CAMKMT: variants seen among roughly 807,000 people sequenced by gnomAD.
CAMKMT encodes the protein calmodulin-lysine N-methyltransferase.
In CAMKMT, 53 loss-of-function variants were observed where a neutral mutation model predicts 48.0. That is an observed-to-expected ratio of 1.10 (90% CI 0.89 to 1.39). The LOEUF is 1.39. Ranked by LOEUF, CAMKMT falls within the 40% of genes most tolerant of loss-of-function variation. The pLI, the probability that CAMKMT is intolerant of heterozygous loss-of-function variation, is 0.00. For synonymous variants in CAMKMT, 165 were observed against 152.3 expected, an observed-to-expected ratio of 1.08 and a Z score of -0.61; for missense variants, 428 against 402.7, an observed-to-expected ratio of 1.06 and a Z score of -0.54.
chr2:44,606,854 T>C (rs1050075658), intron 3 of CAMKMT, among the ~76,000 whole-genome samples: 2 of 148,464 alleles, frequency 1.3e-5, no homozygotes, highest in Non-Finnish European at 3.0e-5. Flanking sequence ...TTATCTATAG[T>C]TTATCATTAA....
intron 3 of CAMKMT, among the ~76,000 whole-genome samples, chr2:44,488,728 A>C (rs1669332693): frequency 6.6e-6 from 1 of 151,942 alleles, no homozygotes; most frequent in South Asian, 2.1e-4. Flanking sequence ...AACTCACCCC[A>C]AAAAACCCAA....
intron 3 of CAMKMT, among the ~76,000 whole-genome samples, chr2:44,501,222 G>A (rs1465314729): frequency 6.6e-6 from 1 of 151,554 alleles, no homozygotes; most frequent in Non-Finnish European, 1.5e-5. Context: ...TGCAATGGTA[G>A]GTTTTTTCTT....
At chr2:44,378,411 T>G (rs1021349341) in intron 2 of CAMKMT, among the ~76,000 whole-genome samples, 12 of 152,222 alleles carry the variant, frequency 7.9e-5, no homozygotes, top group Non-Finnish European at 5.9e-5. Context: ...TTTAGCTATT[T>G]TTAAAATTTG....
chr2:44,754,837 A>C (rs1680297966), intron 9 of CAMKMT, among the ~76,000 whole-genome samples: 1 of 151,780 alleles, frequency 6.6e-6, no homozygotes, highest in African/African-American at 2.4e-5. Context: ...AAATGAGTTT[A>C]AAGCTCATGC....
chr2:44,742,211 G>A (rs1417367369), intron 7 of CAMKMT, among the ~76,000 whole-genome samples: 2 of 152,092 alleles, frequency 1.3e-5, no homozygotes, highest in African/African-American at 2.4e-5. Context: ...GCTCTCCCCA[G>A]GTGCATGGAG....
At chr2:44,723,872 A>C (rs1302304507) in intron 7 of CAMKMT, 1 of 152,176 alleles carries the variant, frequency 6.6e-6, no homozygotes, top group Non-Finnish European at 1.5e-5. Flanking sequence ...TCCCAGCCTT[A>C]TTCCTAGTCC....
At chr2:44,604,853 A>G (rs370663819) in intron 3 of CAMKMT, among the ~76,000 whole-genome samples, 6 of 152,092 alleles carry the variant, frequency 3.9e-5, no homozygotes, top group Admixed American at 3.3e-4. Flanking sequence ...TCTGATTCCC[A>G]CTATGGTCTC....
At chr2:44,550,923 G>C (rs1384552199) in intron 3 of CAMKMT, 4 of 152,136 alleles carry the variant, frequency 2.6e-5, no homozygotes, top group Non-Finnish European at 5.9e-5. Flanking sequence ...TGAGACTAAA[G>C]TTTTAAACAA....
intron 3 of CAMKMT, among the ~76,000 whole-genome samples, chr2:44,497,144 C>T (rs1249458961): frequency 2.6e-5 from 4 of 152,104 alleles, no homozygotes; most frequent in African/African-American, 9.7e-5. Flanking sequence ...AATTAGAAAA[C>T]TGATTTCGTA....
chr2:44,567,574 C>G (rs796240608), intron 3 of CAMKMT, among the ~76,000 whole-genome samples: 7 of 152,232 alleles, frequency 4.6e-5, no homozygotes, highest in African/African-American at 1.7e-4. Context: ...AAAGTAGGGT[C>G]CCATTTGGAG....
intron 3 of CAMKMT, among the ~76,000 whole-genome samples, chr2:44,411,456 A>G (rs183850706): frequency 3.2e-4 from 49 of 152,328 alleles, no homozygotes; most frequent in Middle Eastern, 3.4e-3. Flanking sequence ...CCTTGGTCAT[A>G]TGTTATCTCT....
At chr2:44,652,955 C>G (rs1167069190) in intron 3 of CAMKMT, among the ~76,000 whole-genome samples, 1 of 152,198 alleles carries the variant, frequency 6.6e-6, no homozygotes, top group East Asian at 1.9e-4. Flanking sequence ...TGCTTCCCTT[C>G]TTATTCACAT....
chr2:44,473,292 C>T (rs1668518888), intron 3 of CAMKMT, among the ~76,000 whole-genome samples: 1 of 152,044 alleles, frequency 6.6e-6, no homozygotes, highest in African/African-American at 2.4e-5. Context: ...ATAATTGGAA[C>T]CTCATTAGTA....
intron 3 of CAMKMT, among the ~76,000 whole-genome samples, chr2:44,451,008 A>G (rs1667259339): frequency 1.3e-5 from 2 of 152,268 alleles, no homozygotes; most frequent in African/African-American, 4.8e-5. Flanking sequence ...AGTACTGGAC[A>G]TTCTTTGGAA....
chr2:44,500,865 A>G (rs1450740400), intron 3 of CAMKMT, among the ~76,000 whole-genome samples: 3 of 151,796 alleles, frequency 2.0e-5, no homozygotes, highest in East Asian at 1.9e-4. Context: ...TATTTTTAGT[A>G]GAGATGGGGT....
At chr2:44,634,179 C>T (rs912118890) in intron 3 of CAMKMT, among the ~76,000 whole-genome samples, 1 of 152,058 alleles carries the variant, frequency 6.6e-6, no homozygotes. Flanking sequence ...TCAAGGAAGA[C>T]TCTGCATCGG....
intron 3 of CAMKMT, among the ~76,000 whole-genome samples, chr2:44,658,660 A>G (rs922409476): frequency 6.6e-6 from 1 of 152,158 alleles, no homozygotes; most frequent in South Asian, 2.1e-4. Context: ...TTCCTCAATT[A>G]TAAGATAGGA....
intron 3 of CAMKMT, among the ~76,000 whole-genome samples, chr2:44,464,532 G>T (rs1668011658): frequency 6.6e-6 from 1 of 152,170 alleles, no homozygotes. Flanking sequence ...TGCACACTGT[G>T]ACACATTATA....
At chr2:44,465,935 A>G (rs1668088662) in intron 3 of CAMKMT, among the ~76,000 whole-genome samples, 2 of 152,220 alleles carry the variant, frequency 1.3e-5, no homozygotes, top group South Asian at 4.1e-4. Context: ...CAAGAGACAA[A>G]GAAGGACATT....
Sources: allele counts gnomAD v4.1 joint callset (sites outside exome capture counted in the v4.1 genomes callset), GRCh38; gene constraint gnomAD v4.1.1; transcripts MANE v1.5; gene names NCBI Gene and HGNC (gene_info 2026-07-23, HGNC 2026-07-21).